The following WWOX variants were observed in gnomAD, a reference collection of about 807,000 sequenced individuals.
WWOX encodes the protein WW domain containing oxidoreductase.
A neutral mutation model predicts 46.2 loss-of-function variants in WWOX; 69 were observed. The ratio of observed to expected loss-of-function variants is 1.49; its 90% CI spans 1.23 to 1.82. WWOX has a LOEUF of 1.82. Among genes scored for constraint, WWOX ranks in the 40% most tolerant of loss-of-function variants. The probability of loss-of-function intolerance (pLI) is 0.00; values close to 1 mark genes in which losing one functional copy is unlikely to be tolerated. For missense variants in WWOX, 919 were observed against 542.6 expected, an observed-to-expected ratio of 1.69 and a Z score of -6.89; for synonymous variants, 359 against 202.6, an observed-to-expected ratio of 1.77 and a Z score of -6.56.
chr16:78,444,846 T>G (rs1277984083), intron 8 of WWOX, among the ~76,000 whole-genome samples: 4 of 152,160 alleles, frequency 2.6e-5, no homozygotes, highest in African/African-American at 7.2e-5. Flanking sequence ...GAGCAGTTCT[T>G]TCAATGGAAT....
intron 8 of WWOX, among the ~76,000 whole-genome samples, chr16:78,958,715 G>A (rs781036181): frequency 4.6e-5 from 7 of 152,170 alleles, no homozygotes; most frequent in Non-Finnish European, 8.8e-5. Context: ...GTATGTGCAG[G>A]TATCACCAGG....
At position 78,321,290 on chromosome 16, in the gene WWOX, A is replaced by ACGTATATATATACGTATATATATG. The variant is rs1567498960; in HGVS notation, c.517-65548_517-65525dup. On this transcript the variant is annotated intron_variant, in intron 5 of 8. Coordinates refer to ENST00000566780, the MANE Select transcript of WWOX (RefSeq NM_016373.4). ...CTTAGTTTTTTAAATATATATATAT[A>ACGTATATATATACGTATATATATG]CGTATATATATACGTATATATATGC... Among the ~76,000 whole-genome samples the ACGTATATATATACGTATATATATG allele has an allele frequency of 2.2e-3, 276 of 126,550 alleles. 8 individuals are homozygous for ACGTATATATATACGTATATATATG. Among genetic ancestry groups the ACGTATATATATACGTATATATATG allele is most frequent in the Non-Finnish European group, 3.2e-3 (199 of 63,112 alleles). The allele number at this position is 126,550 out of a possible 152,430, so 83.0% of individuals were successfully genotyped here. A position where few individuals can be genotyped will look rare whatever the true frequency, so the allele number is the denominator to read the frequency against.
At chr16:78,957,769 A>G (rs1315998240) in intron 8 of WWOX, among the ~76,000 whole-genome samples, 6 of 152,230 alleles carry the variant, frequency 3.9e-5, no homozygotes, top group South Asian at 2.1e-4. Context: ...AGACCTTAAC[A>G]AAAGAATTAG....
At chr16:79,180,644 T>G (rs1386338322) in intron 8 of WWOX, among the ~76,000 whole-genome samples, 1 of 150,416 alleles carries the variant, frequency 6.6e-6, no homozygotes, top group Non-Finnish European at 1.5e-5. Flanking sequence ...TGCTTCTTTC[T>G]TTTTCTCTTC....
chr16:78,704,008 C>G (rs904577535), intron 8 of WWOX, among the ~76,000 whole-genome samples: 18 of 152,262 alleles, frequency 1.2e-4, no homozygotes, highest in Middle Eastern at 6.8e-3. Context: ...AAGGGCATTC[C>G]TGTTGTGCAA....
At chr16:78,502,851 A>C (rs1409088427) in intron 8 of WWOX, among the ~76,000 whole-genome samples, 2 of 152,100 alleles carry the variant, frequency 1.3e-5, no homozygotes, top group Admixed American at 1.3e-4. Context: ...CGTAACTGTT[A>C]ATGGCTGAGC....
chr16:78,675,254 C>G (rs920468187), intron 8 of WWOX, among the ~76,000 whole-genome samples: 1 of 152,034 alleles, frequency 6.6e-6, no homozygotes, highest in Admixed American at 6.6e-5. Context: ...AGCAGAGAAG[C>G]TGGGGTTTTA....
intron 8 of WWOX, among the ~76,000 whole-genome samples, chr16:78,436,117 T>C (rs1597082836): frequency 6.6e-6 from 1 of 152,016 alleles, no homozygotes. Flanking sequence ...GCATGGGAGG[T>C]ATGCAGTACT....
intron 8 of WWOX, among the ~76,000 whole-genome samples, chr16:78,700,680 A>G (rs2048195395): frequency 6.6e-6 from 1 of 152,148 alleles, no homozygotes; most frequent in African/African-American, 2.4e-5. Context: ...GTCTTGTGGC[A>G]TTCCTGGGCC....
At chr16:78,235,559 C>T (rs1207956289) in intron 5 of WWOX, among the ~76,000 whole-genome samples, 1 of 152,178 alleles carries the variant, frequency 6.6e-6, no homozygotes, top group Admixed American at 6.5e-5. Context: ...CTGTCTGCAT[C>T]TTCAGCGTGG....
chr16:79,011,390 G>A lies in WWOX; in HGVS notation c.1057-200218G>A, dbSNP rs7189730. Among the ~76,000 whole-genome samples the A allele has an allele frequency of 6.6e-3, 996 of 151,678 alleles. 11 individuals are homozygous for A. The highest frequency in any genetic ancestry group is 0.023 in the African/African-American group (946 of 41,370). ...CCCTTTGGAACTTCTGTTGGTGTTC[G>A]ATCTGGAATCTGAGAATTCCCTTGC... is the stretch of plus-strand genomic sequence containing the variant. On this transcript the variant is annotated intron_variant, in intron 8 of 8. Coordinates refer to ENST00000566780, the MANE Select transcript of WWOX (RefSeq NM_016373.4).
chr16:78,373,664 C>G (rs1249277388), intron 5 of WWOX, among the ~76,000 whole-genome samples: 1 of 151,394 alleles, frequency 6.6e-6, no homozygotes, highest in African/African-American at 2.4e-5. Context: ...GTCTTGGTTT[C>G]TGCCTTTCAA....
intron 4 of WWOX, among the ~76,000 whole-genome samples, chr16:78,117,428 A>G (rs1029142600): frequency 1.3e-5 from 2 of 152,074 alleles, no homozygotes; most frequent in Non-Finnish European, 2.9e-5. Flanking sequence ...AGTGGTGAAG[A>G]TTTTTATTCT....
intron 8 of WWOX, among the ~76,000 whole-genome samples, chr16:78,926,381 A>C (rs955624828): frequency 6.6e-6 from 1 of 152,152 alleles, no homozygotes; most frequent in African/African-American, 2.4e-5. Flanking sequence ...AAAAAAAAAA[A>C]AAAAAAGTTC....
At chr16:78,223,090 G>A (rs1327673465) in intron 5 of WWOX, among the ~76,000 whole-genome samples, 1 of 152,170 alleles carries the variant, frequency 6.6e-6, no homozygotes, top group Non-Finnish European at 1.5e-5. Flanking sequence ...GATCATTTAT[G>A]TGATTTGGGT....
chr16:78,952,786 A>G (rs2046088499), intron 8 of WWOX, among the ~76,000 whole-genome samples: 1 of 152,176 alleles, frequency 6.6e-6, no homozygotes, highest in South Asian at 2.1e-4. Context: ...ACTGCCCAGC[A>G]GAAGGCTTAG....
chr16:78,737,080 C>G (rs2049109415), intron 8 of WWOX, among the ~76,000 whole-genome samples: 1 of 151,892 alleles, frequency 6.6e-6, no homozygotes, highest in South Asian at 2.1e-4. Context: ...CCTTGCTCAT[C>G]TGTCTTTATT....
intron 5 of WWOX, among the ~76,000 whole-genome samples, chr16:78,285,673 G>C (rs188508336): frequency 1.3e-5 from 2 of 152,082 alleles, no homozygotes; most frequent in African/African-American, 4.8e-5. Flanking sequence ...ACGGACTCTC[G>C]GATGCTTGGT....
chr16:78,543,375 G>C (rs1467372897), intron 8 of WWOX, among the ~76,000 whole-genome samples: 1 of 152,154 alleles, frequency 6.6e-6, no homozygotes, highest in Admixed American at 6.5e-5. Flanking sequence ...TGCACACTAT[G>C]GATTTTTACT....
Sources: gnomAD v4.1 joint callset for allele counts (sites outside exome capture counted in the v4.1 genomes callset) on GRCh38, gnomAD v4.1.1 for gene constraint, MANE v1.5 for transcripts, NCBI Gene and HGNC (gene_info 2026-07-23, HGNC 2026-07-21) for gene names.